Variants in ZNF541 observed in about 807,000 individuals in gnomAD.
The protein encoded by ZNF541 is zinc finger protein 541.
A neutral mutation model predicts 123.5 loss-of-function variants in ZNF541; 23 were observed. That is an observed-to-expected ratio of 0.19 (90% CI 0.13 to 0.26). ZNF541 has a LOEUF of 0.26. ZNF541 is among the 10% of genes least tolerant of loss of function. ZNF541 has a pLI of 1.00. For missense variants in ZNF541, 1,612 were observed against 1,789.9 expected, an observed-to-expected ratio of 0.90 and a Z score of 1.79; for synonymous variants, 751 against 754.5, an observed-to-expected ratio of 1.00 and a Z score of 0.08.
At chr19:47,557,746 G>A (rs1369970193) in intron 2 of ZNF541, among the ~76,000 whole-genome samples, 2 of 152,050 alleles carry the variant, frequency 1.3e-5, no homozygotes, top group African/African-American at 4.8e-5. Context: ...GGCTGAGGCA[G>A]GAGGATCACT....
intron 12 of ZNF541, among the ~76,000 whole-genome samples, chr19:47,530,843 G>A (rs1164068857): frequency 6.6e-6 from 1 of 150,706 alleles, no homozygotes; most frequent in African/African-American, 2.4e-5. Flanking sequence ...TAGAGATGGG[G>A]TTTTACCATG....
intron 4 of ZNF541, among the ~76,000 whole-genome samples, chr19:47,548,462 GA>G (rs958134449): frequency 2.2e-4 from 29 of 130,362 alleles, no homozygotes; most frequent in Admixed American, 3.0e-4. Flanking sequence ...AAAAAAAAAA[GA>G]AAAAAAAAGA....
upstream of ZNF541, among the ~76,000 whole-genome samples, chr19:47,573,257 C>T (rs1971539262): frequency 6.6e-6 from 1 of 151,684 alleles, no homozygotes; most frequent in Non-Finnish European, 1.5e-5. Context: ...CCTCACGCCT[C>T]CCAGAGCGGC....
chr19:47,531,668 G>C lies in ZNF541; in HGVS notation c.3379C>G (p.Leu1127Val). Residue 1127 changes from leucine to valine, a missense_variant, in exon 12 of 17, where the codon CTG becomes GTG. Around this residue, in one of 5 missense-constraint regions of ZNF541, gnomAD observed 285 missense variants for 407.3 expected, o/e 0.70. Coordinates refer to ENST00000391901, the MANE Select transcript of ZNF541 (RefSeq NM_001277075.3). ...TGAACGTTGCCCTGAGCCTCGTGCAGGCAGTGCAGAGCGAGCTCCAGGTTG... is the reference window on the plus strand; with the variant it reads ...TGAACGTTGCCCTGAGCCTCGTGCACGCAGTGCAGAGCGAGCTCCAGGTTG... ...GTNLELALHC[L>V]HEAQGNVQVA... The C allele has an allele frequency of 6.5e-7, 1 of 1,547,602 alleles. No homozygotes were observed.
In ZNF541 at chr19:47,561,278, T is replaced by A. The variant is rs553027120; in HGVS notation, c.-98-5324A>T. Among the ~76,000 whole-genome samples, 936 of 151,342 alleles carry A rather than the reference T, an allele frequency of 6.2e-3. 8 individuals carry two copies. The highest frequency in any genetic ancestry group is 0.01 in the Non-Finnish European group (698 of 67,808). ...CAGACCCTGTCTCTATGAAAAAAAA[T>A]TTTTTTTTAATTAGCTGGGCATGGT... On this transcript the variant is annotated intron_variant, in intron 2 of 16. Transcript: ENST00000391901.
intron 4 of ZNF541, among the ~76,000 whole-genome samples, chr19:47,548,982 G>C (rs1427661169): frequency 6.6e-6 from 1 of 151,904 alleles, no homozygotes; most frequent in Non-Finnish European, 1.5e-5. Flanking sequence ...AGGAGGCTGA[G>C]GCAGGAGAAT....
chr19:47,537,745 C>T (rs971633831), intron 9 of ZNF541, among the ~76,000 whole-genome samples: 4 of 151,696 alleles, frequency 2.6e-5, no homozygotes, highest in East Asian at 1.9e-4. Flanking sequence ...TGTGGTGATG[C>T]GCACCTGTAG....
chr19:47,523,187 C>T (rs1969121864), intron 14 of ZNF541, among the ~76,000 whole-genome samples: 1 of 150,316 alleles, frequency 6.7e-6, no homozygotes, highest in African/African-American at 2.5e-5. Flanking sequence ...CACCACCATG[C>T]CCAGCTATTT....
chr19:47,545,198 C>A lies in ZNF541; in HGVS notation c.1331G>T (p.Gly444Val). 6.6e-7 allele frequency: 1 copy of A among 1,522,420 alleles called. No homozygotes were observed. The highest frequency in any genetic ancestry group is 8.8e-7 in the Non-Finnish European group (1 of 1,133,228). The allele number at this position is 1,522,420 out of a possible 1,614,324, so 94.3% of individuals were successfully genotyped here. Residue 444 changes from glycine (G) to valine (V), a missense_variant, in exon 5 of 17, where the codon GGC (glycine) becomes GTC (valine). Physicochemically the swap from Gly to Val is moderately radical, Grantham distance 109. Transcript: ENST00000391901. The surrounding 1 kb of genome is among the most constrained non-coding windows in gnomAD (Gnocchi z 7.5). Reference sequence around the variant, plus strand: ...GCTGGGTCCCGGGCCAGACTCGGAGCCCTCCCGCGAGGGCACGGCCGAGGG... The same window carrying A: ...GCTGGGTCCCGGGCCAGACTCGGAGACCTCCCGCGAGGGCACGGCCGAGGG... ...HKPSAVPSREGSESGPGPSSG... is the reference protein window; with the variant it reads ...HKPSAVPSREVSESGPGPSSG...
At chr19:47,525,102 T>C (rs1190830550) in intron 14 of ZNF541, among the ~76,000 whole-genome samples, 2 of 151,908 alleles carry the variant, frequency 1.3e-5, no homozygotes, top group African/African-American at 4.8e-5. Context: ...CTGGCCAACA[T>C]GGTGAAACCC....
At chr19:47,567,614 A>C (rs926369046) in intron 2 of ZNF541, among the ~76,000 whole-genome samples, 9 of 152,372 alleles carry the variant, frequency 5.9e-5, no homozygotes, top group African/African-American at 2.2e-4. Flanking sequence ...GATGGTGCAA[A>C]TCTAGGGATT....
chr19:47,534,345 C>T (rs1198948087), intron 9 of ZNF541, among the ~76,000 whole-genome samples: 3 of 151,964 alleles, frequency 2.0e-5, no homozygotes, highest in Non-Finnish European at 4.4e-5. Flanking sequence ...GAGAAAGAGA[C>T]AGAAAGAAAT....
rs1265809200 is a variant in ZNF541 at position 47,544,976 on chromosome 19, T to G, written c.1553A>C (p.Glu518Ala). 7.2e-6 allele frequency: 11 copies of G among 1,530,624 alleles called. No individual in the cohort carries two copies. The highest frequency in any genetic ancestry group is 3.4e-4 in the Middle Eastern group (2 of 5,942). The allele number at this position is 1,530,624 out of a possible 1,614,324, so 94.8% of individuals were successfully genotyped here. Residue 518 changes from glutamate to alanine, a missense_variant, in exon 5 of 17, where the codon GAG becomes GCG. Physicochemically the swap from Glu to Ala is moderately radical, Grantham distance 107 (BLOSUM62 -1). Transcript: ENST00000391901. The part of the protein sequence containing the change: ...CDSFLCQNPG[E>A]PGLQEAQKAG... ...CTTCTGGGCCTCCTGGAGGCCGGGC[T>G]CCCCGGGGTTCTGGCACAGGAAGGA... is the stretch of plus-strand genomic sequence containing the variant.
intron 2 of ZNF541, among the ~76,000 whole-genome samples, chr19:47,556,230 A>T (rs2123298969): frequency 6.6e-6 from 1 of 152,290 alleles, no homozygotes; most frequent in East Asian, 1.9e-4. Flanking sequence ...AGCTATAAAC[A>T]TATACATGTA....
At position 47,538,133 on chromosome 19, in the gene ZNF541, C is replaced by A. The variant is rs891982979; in HGVS notation, c.3094+9G>T. The stretch of plus-strand genomic sequence containing the variant: ...GGGATCACAGAGTGAGTGCCCCAGC[C>A]TCACTCACCGAGCATGGAGCTGATG... On this transcript the variant is annotated intron_variant, in intron 9 of 16. Coordinates refer to ENST00000391901, the MANE Select transcript of ZNF541 (RefSeq NM_001277075.3). 1.3e-6 allele frequency: 2 copies of A among 1,550,022 alleles called. No individual in the cohort carries two copies. The highest frequency in any genetic ancestry group is 1.7e-6 in the Non-Finnish European group (2 of 1,146,862).
chr19:47,557,850 T>TG (rs1030339171), intron 2 of ZNF541, among the ~76,000 whole-genome samples: 7 of 147,006 alleles, frequency 4.8e-5, no homozygotes, highest in Admixed American at 2.7e-4. Flanking sequence ...TTGAATCAAT[T>TG]GGGAAAAAAA....
chr19:47,554,540 A>T (rs1285121755), intron 3 of ZNF541, among the ~76,000 whole-genome samples: 1 of 151,952 alleles, frequency 6.6e-6, no homozygotes, highest in Non-Finnish European at 1.5e-5. Context: ...CTCTGGGGGG[A>T]AGCAGAGAGG....
rs972161329 is a variant in ZNF541 at position 47,544,536 on chromosome 19, G to C, written c.1993C>G (p.Leu665Val). ...AVPTPLAAPS[L>V]DPSRNPDISS... ...ATGTCTGGATTCCTGGAAGGGTCCA[G>C]AGACGGTGCTGCAAGGGGCGTTGGA... The change falls in exon 5 of 17, where the codon CTG (leucine) becomes GTG (valine). Residue 665 changes from leucine to valine, a missense_variant. Leu to Val is a conservative substitution (Grantham distance 32, BLOSUM62 1). Transcript: ENST00000391901. 2 of 1,551,606 alleles carry C rather than the reference G, an allele frequency of 1.3e-6. No homozygotes were observed. Among genetic ancestry groups the C allele is most frequent in the Non-Finnish European group, 1.7e-6 (2 of 1,146,988 alleles).
chr19:47,570,087 A>C (rs1971419579), intron 2 of ZNF541, among the ~76,000 whole-genome samples: 1 of 151,364 alleles, frequency 6.6e-6, no homozygotes, highest in Non-Finnish European at 1.5e-5. Flanking sequence ...ATCCTGGCTA[A>C]CACGGTGAAA....
Sources: gnomAD v4.1 joint callset for allele counts (sites outside exome capture counted in the v4.1 genomes callset) on GRCh38, gnomAD v4.1.1 for gene constraint, gnomAD v4.1.1 regional missense constraint, Gnocchi (gnomAD v3.1) non-coding constraint, MANE v1.5 for transcripts, NCBI Gene and HGNC (gene_info 2026-07-23, HGNC 2026-07-21) for gene names.